The following FRY variants were observed in gnomAD, a reference collection of about 807,000 sequenced individuals.
The protein encoded by FRY is protein furry homolog.
In FRY, 128 loss-of-function variants were observed where a neutral mutation model predicts 348.4. That is an observed-to-expected ratio of 0.37 (90% CI 0.32 to 0.43). The LOEUF (loss-of-function observed/expected upper bound fraction) is 0.43. FRY is among the 20% of genes least tolerant of loss of function. The pLI is 1.00. For missense variants in FRY, 2,736 were observed against 3,695.2 expected, an observed-to-expected ratio of 0.74 and a Z score of 6.73; for synonymous variants, 1,370 against 1,374.7, an observed-to-expected ratio of 1.00 and a Z score of 0.08.
At chr13:32,094,966 A>C in intron 2 of FRY, among the ~76,000 whole-genome samples, 1 of 152,170 alleles carries the variant, frequency 6.6e-6, no homozygotes, top group East Asian at 1.9e-4. Flanking sequence ...ATTCCCACCA[A>C]CCAGTGTATG....
rs73169136 is a variant in FRY, at chr13:32,237,837, C to T, written c.6269C>T (p.Ala2090Val). Residue 2090 changes from alanine to valine, a missense_variant, in exon 44 of 61, where the codon GCA (alanine) becomes GTA (valine). Around this residue, in one of 9 missense-constraint regions of FRY, gnomAD observed 789 missense variants for 996.2 expected, o/e 0.79. Coordinates refer to ENST00000542859, the MANE Select transcript of FRY (RefSeq NM_023037.3). This position sits in a 1 kb window ranked among gnomAD's most constrained non-coding sequence, Gnocchi z 6.3. ...CGAGAAAAGCTTGAGAAACTCCAGGCACAGCTGAAGTGGGCCGACTTCTCC... is the reference window on the plus strand; with the variant it reads ...CGAGAAAAGCTTGAGAAACTCCAGGTACAGCTGAAGTGGGCCGACTTCTCC... ...ENREKLEKLQ[A>V]QLKWADFSGL... 0.01 allele frequency: 16,279 copies of T among 1,614,168 alleles called. 114 individuals carry two copies. Among genetic ancestry groups the T allele is most frequent in the Admixed American group, 0.025 (1,501 of 60,024 alleles).
rs1369301823 is a variant in FRY at position 32,296,438 on chromosome 13, CTTAAG to C, written c.*981_*985del. 5.2e-5 allele frequency: 8 copies of C among 152,522 alleles called. No homozygotes were observed. Among genetic ancestry groups the C allele is most frequent in the Non-Finnish European group, 1.0e-4 (7 of 68,008 alleles). 9.4% of individuals were successfully genotyped at this position (152,522 alleles called of 1,614,324 possible). A position where few individuals can be genotyped will look rare whatever the true frequency, so the allele number is the denominator to read the frequency against. On this transcript the variant is annotated 3_prime_UTR_variant, in exon 61 of 61. Coordinates refer to ENST00000542859, the MANE Select transcript of FRY (RefSeq NM_023037.3). ...TGTAATATATATGTAAAGGGCCATT[CTTAAG>C]TTCTCTCCTTAAACTTAATGCTGTC...
chr13:32,229,764 A>C (rs1331904756), intron 40 of FRY, among the ~76,000 whole-genome samples: 1 of 152,188 alleles, frequency 6.6e-6, no homozygotes, highest in Non-Finnish European at 1.5e-5. Flanking sequence ...TTGCAGCTTG[A>C]TGTGATCCTG....
At chr13:32,069,318 C>G (rs564098938) in intron 1 of FRY, among the ~76,000 whole-genome samples, 1 of 151,956 alleles carries the variant, frequency 6.6e-6, no homozygotes, top group Non-Finnish European at 1.5e-5. Context: ...GAGGGAGAGA[C>G]CTTCATGGCC....
intron 55 of FRY, among the ~76,000 whole-genome samples, chr13:32,268,486 TAAAAAAAAAA>T (rs1163691921): frequency 2.3e-4 from 14 of 61,062 alleles, no homozygotes; most frequent in African/African-American, 7.0e-4. Context: ...AAAGCTAGTT[TAAAAAAAAAA>T]AAAAAAAAAA....
At chr13:32,170,960 G>T (rs1335323610) in intron 17 of FRY, 52 bp from the exon 18 acceptor site, 3 of 1,291,784 alleles carry the variant, frequency 2.3e-6, no homozygotes, top group Non-Finnish European at 3.4e-6. Context: ...GTTAGCTCTA[G>T]AAGACCAGTT....
chr13:32,100,565 G>A (rs986976262), intron 2 of FRY, among the ~76,000 whole-genome samples: 5 of 151,018 alleles, frequency 3.3e-5, no homozygotes, highest in African/African-American at 1.2e-4. Flanking sequence ...TGTATAATGA[G>A]TAAATCAAGC....
chr13:32,041,019 G>A (rs543343636), intron 1 of FRY, among the ~76,000 whole-genome samples: 23 of 152,168 alleles, frequency 1.5e-4, no homozygotes, highest in Admixed American at 5.2e-4. Flanking sequence ...ATTTTAAAAC[G>A]AAAAAGTTGC....
At chr13:32,133,758 TTC>T (rs1879518918) in intron 8 of FRY, among the ~76,000 whole-genome samples, 1 of 139,168 alleles carries the variant, frequency 7.2e-6, no homozygotes, top group African/African-American at 2.6e-5. Context: ...TTTTCTTTCT[TTC>T]TTTCTTTCTT....
intron 39 of FRY, among the ~76,000 whole-genome samples, chr13:32,226,548 ATTCATGAAAACGGGTAATAGTGGTT>A (rs1483550457): frequency 2.0e-5 from 3 of 152,376 alleles, no homozygotes; most frequent in Admixed American, 2.0e-4. Flanking sequence ...ATGTCACGCC[ATTCATGAAAACGGGTAATAGTGGTT>A]TTCATTTAGA....
chr13:32,283,781 A>T (rs969865276), intron 58 of FRY, among the ~76,000 whole-genome samples: 23 of 152,352 alleles, frequency 1.5e-4, no homozygotes, highest in Admixed American at 3.9e-4. Flanking sequence ...CTTGTGTCAT[A>T]AGAACACTTT....
chr13:32,260,774 C>G (rs9534010), intron 51 of FRY, among the ~76,000 whole-genome samples: 45,394 of 151,622 alleles, frequency 0.3, 7,410 homozygotes, highest in Middle Eastern at 0.44. Flanking sequence ...AAGCTGAGAT[C>G]GCGCCACTGC....
chr13:32,111,436 C>T (rs1046422523), intron 3 of FRY, among the ~76,000 whole-genome samples: 6 of 151,968 alleles, frequency 3.9e-5, no homozygotes, highest in Admixed American at 6.6e-5. Flanking sequence ...GCAGAGGTTG[C>T]GGTGAGCCGA....
chr13:32,293,088 A>T (rs1374457211), intron 59 of FRY, among the ~76,000 whole-genome samples: 1 of 152,204 alleles, frequency 6.6e-6, no homozygotes, highest in Non-Finnish European at 1.5e-5. Flanking sequence ...GGCATGGGGA[A>T]ATCAAAAAAT....
intron 14 of FRY, 86 bp from the exon 15 acceptor site, chr13:32,155,405 G>A (rs1881051776): frequency 2.1e-6 from 2 of 953,554 alleles, no homozygotes; most frequent in South Asian, 2.6e-5. Flanking sequence ...ATGCAATTCA[G>A]TCTTAACTAT....
At chr13:32,258,843 T>C (rs561590820) in intron 51 of FRY, among the ~76,000 whole-genome samples, 38 of 152,226 alleles carry the variant, frequency 2.5e-4, no homozygotes, top group South Asian at 4.1e-4. Context: ...AAGTGACCTA[T>C]GATCAGTCTC....
At chr13:32,037,813 T>C (rs564717022) in intron 1 of FRY, among the ~76,000 whole-genome samples, 1 of 152,344 alleles carries the variant, frequency 6.6e-6, no homozygotes, top group East Asian at 1.9e-4. Context: ...AGGAGTCAAA[T>C]AGGTTACATA....
chr13:32,175,162 G>A (rs1882295856), intron 19 of FRY, among the ~76,000 whole-genome samples: 1 of 152,154 alleles, frequency 6.6e-6, no homozygotes, highest in African/African-American at 2.4e-5. Flanking sequence ...CTTAAAATAA[G>A]TAGCATTTTA....
chr13:32,146,688 C>G (rs1273374145), intron 11 of FRY, among the ~76,000 whole-genome samples: 1 of 152,136 alleles, frequency 6.6e-6, no homozygotes, highest in Non-Finnish European at 1.5e-5. Context: ...ATATGTTGCC[C>G]TTCTTCCTAT....
Sources: allele counts gnomAD v4.1 joint callset (sites outside exome capture counted in the v4.1 genomes callset), GRCh38; gene constraint gnomAD v4.1.1; regional missense constraint gnomAD v4.1.1; non-coding constraint Gnocchi (gnomAD v3.1); transcripts MANE v1.5; gene names NCBI Gene and HGNC (gene_info 2026-07-23, HGNC 2026-07-21).